The following CCDC171 variants were observed in gnomAD, a reference collection of about 807,000 sequenced individuals.
The protein encoded by CCDC171 is coiled-coil domain-containing protein 171.
In CCDC171, 177 loss-of-function variants were observed where a neutral mutation model predicts 168.2. That is an observed-to-expected ratio of 1.05 (90% CI 0.93 to 1.19). The LOEUF (loss-of-function observed/expected upper bound fraction) is 1.19, where lower values mean the gene tolerates loss of function less well. CCDC171 is among the 50% of genes most tolerant of loss of function. The pLI is 0.00. For synonymous variants in CCDC171, 687 were observed against 540.8 expected (o/e 1.27, Z -3.75); for missense variants, 1,991 against 1,539.0 (o/e 1.29, Z -4.91).
chr9:16,028,107 G>A (rs1586843544), intron 6 of CCDC171, among the ~76,000 whole-genome samples: 1 of 152,186 alleles, frequency 6.6e-6, no homozygotes, highest in Middle Eastern at 3.2e-3. Context: ...GCAAAGGCAG[G>A]AGATATGTCT....
intron 24 of CCDC171, among the ~76,000 whole-genome samples, chr9:15,919,411 C>T (rs1824997653): frequency 1.3e-5 from 2 of 151,622 alleles, no homozygotes; most frequent in African/African-American, 4.8e-5. Context: ...TGCAAATTCT[C>T]AGACTGTCTA....
intron 7 of CCDC171, among the ~76,000 whole-genome samples, chr9:15,653,046 T>G (rs1301206369): frequency 6.6e-6 from 1 of 152,210 alleles, no homozygotes; most frequent in Non-Finnish European, 1.5e-5. Context: ...AGGAATAGTT[T>G]GAGTTAAACT....
chr9:15,632,784 A>G (rs780117435), intron 7 of CCDC171, among the ~76,000 whole-genome samples: 3 of 152,248 alleles, frequency 2.0e-5, no homozygotes, highest in Non-Finnish European at 4.4e-5. Flanking sequence ...CTACAAGGCT[A>G]CAGTAACCAA....
chr9:15,745,334 T>C (rs1040982394), intron 17 of CCDC171, among the ~76,000 whole-genome samples, 181 bp from the exon 18 acceptor site: 2 of 152,224 alleles, frequency 1.3e-5, no homozygotes, highest in Admixed American at 6.5e-5. Flanking sequence ...TTTGGTGTCA[T>C]TTACAGTTAT....
chr9:15,629,296 G>T (rs1032501256), intron 7 of CCDC171, among the ~76,000 whole-genome samples: 3 of 152,134 alleles, frequency 2.0e-5, no homozygotes, highest in Non-Finnish European at 4.4e-5. Context: ...AAATTTAGAC[G>T]AATGTATAGA....
intron 6 of CCDC171, among the ~76,000 whole-genome samples, chr9:15,610,838 T>G (rs780227759): frequency 2.6e-5 from 4 of 152,042 alleles, no homozygotes; most frequent in Non-Finnish European, 4.4e-5. Flanking sequence ...GGATTACAGG[T>G]GTGAACCACT....
chr9:16,013,688 C>T (rs1226484780), intron 3 of CCDC171, among the ~76,000 whole-genome samples: 1 of 152,182 alleles, frequency 6.6e-6, no homozygotes, highest in East Asian at 1.9e-4. Flanking sequence ...GGCCACCAGA[C>T]TAAAGTGAAT....
chr9:15,950,290 C>G (rs1828975545), intron 25 of CCDC171, among the ~76,000 whole-genome samples: 1 of 152,008 alleles, frequency 6.6e-6, no homozygotes, highest in Non-Finnish European at 1.5e-5. Context: ...AAAGATACTC[C>G]TCGAGAAGAG....
chr9:15,689,451 C>A (rs1564214146), intron 10 of CCDC171, among the ~76,000 whole-genome samples: 1 of 152,178 alleles, frequency 6.6e-6, no homozygotes, highest in South Asian at 2.1e-4. Flanking sequence ...TGGCTCATGC[C>A]TGTAATCCTA....
intron 4 of CCDC171, among the ~76,000 whole-genome samples, chr9:15,588,967 C>T (rs1185160151): frequency 6.6e-6 from 1 of 151,958 alleles, no homozygotes; most frequent in Non-Finnish European, 1.5e-5. Context: ...GCCTCGGCCT[C>T]CCAAAGGGCT....
At chr9:16,090,531 G>A in the CCDC171 span, among the ~76,000 whole-genome samples, 4 of 152,234 alleles carry the variant, frequency 2.6e-5, no homozygotes, top group East Asian at 3.9e-4. Context: ...AAACCTGCAC[G>A]TTCTGCATAT....
chr9:16,009,763 C>G (rs1832812080), intron 3 of CCDC171, among the ~76,000 whole-genome samples: 1 of 151,908 alleles, frequency 6.6e-6, no homozygotes, highest in Admixed American at 6.6e-5. Context: ...GTTATTTAGT[C>G]CAATATTATT....
chr9:15,917,124 A>G (rs950933950), intron 24 of CCDC171, among the ~76,000 whole-genome samples: 6 of 151,896 alleles, frequency 4.0e-5, no homozygotes, highest in Admixed American at 3.3e-4. Flanking sequence ...TGTATTAAGG[A>G]GTTGAATTTT....
intron 1 of CCDC171, among the ~76,000 whole-genome samples, chr9:16,047,523 C>T (rs779613506): frequency 4.6e-5 from 7 of 152,214 alleles, no homozygotes; most frequent in Non-Finnish European, 8.8e-5. Flanking sequence ...CTAAAGCCCT[C>T]CTAATTTTCT....
chr9:15,786,825 C>A (rs1040612736), intron 21 of CCDC171, among the ~76,000 whole-genome samples: 1 of 152,128 alleles, frequency 6.6e-6, no homozygotes, highest in Non-Finnish European at 1.5e-5. Context: ...GACAATGGGT[C>A]TCATGATCTC....
chr9:15,789,140 A>G (rs62571304), intron 21 of CCDC171, among the ~76,000 whole-genome samples: 69 of 152,106 alleles, frequency 4.5e-4, no homozygotes, highest in Admixed American at 8.5e-4. Flanking sequence ...TTGAAAATCC[A>G]AAATCCAAAA....
At chr9:15,556,975 C>G (rs983593523) in intron 1 of CCDC171, among the ~76,000 whole-genome samples, 1 of 152,136 alleles carries the variant, frequency 6.6e-6, no homozygotes, top group African/African-American at 2.4e-5. Flanking sequence ...CCAGTTTTCC[C>G]AACACCATTT....
At chr9:16,078,575 A>G in the CCDC171 span, among the ~76,000 whole-genome samples, 12 of 152,204 alleles carry the variant, frequency 7.9e-5, no homozygotes, top group African/African-American at 2.9e-4. Context: ...GACAGATACC[A>G]GGGGTCAATC....
At chr9:15,944,594 T>C (rs1589200906) in intron 25 of CCDC171, among the ~76,000 whole-genome samples, 5 of 152,160 alleles carry the variant, frequency 3.3e-5, no homozygotes, top group East Asian at 1.9e-4. Flanking sequence ...AGCAAATATT[T>C]GAACACAGGC....
Sources: gnomAD v4.1 joint callset for allele counts (sites outside exome capture counted in the v4.1 genomes callset) on GRCh38, gnomAD v4.1.1 for gene constraint, MANE v1.5 for transcripts, NCBI Gene and HGNC (gene_info 2026-07-23, HGNC 2026-07-21) for gene names.